Variants in HIP1 observed in about 807,000 individuals in gnomAD.
The protein encoded by HIP1 is huntingtin interacting protein 1.
HIP1 carries 65 observed loss-of-function variants against 147.6 expected under a neutral mutation model. The ratio of observed to expected loss-of-function variants is 0.44; its 90% CI spans 0.36 to 0.54. The LOEUF is 0.54. Ranked by LOEUF, HIP1 falls within the 20% of genes least tolerant of loss-of-function variation. The probability of loss-of-function intolerance (pLI) is 0.00; values close to 1 mark genes in which losing one functional copy is unlikely to be tolerated. For synonymous variants in HIP1, 479 were observed against 504.0 expected (o/e 0.95, Z 0.67); for missense variants, 1,061 against 1,299.6 (o/e 0.82, Z 2.82).
At chr7:75,656,003 C>T (rs1259272307) in intron 1 of HIP1, among the ~76,000 whole-genome samples, 1 of 151,940 alleles carries the variant, frequency 6.6e-6, no homozygotes, top group African/African-American at 2.4e-5. Flanking sequence ...CCTGTGGTCC[C>T]AACTACTCGG....
At chr7:75,634,036 G>A (rs943776548) in intron 1 of HIP1, among the ~76,000 whole-genome samples, 1 of 151,896 alleles carries the variant, frequency 6.6e-6, no homozygotes, top group African/African-American at 2.4e-5. Context: ...TGGGAGAATC[G>A]CTTGAGCCCA....
intron 26 of HIP1, 36 bp from the exon 27 acceptor site, chr7:75,544,836 C>A: frequency 7.5e-7 from 1 of 1,325,680 alleles, no homozygotes; most frequent in Non-Finnish European, 1.1e-6. Context: ...AGGTTACGGG[C>A]AAATGAGCTG....
intron 2 of HIP1, among the ~76,000 whole-genome samples, chr7:75,597,757 A>AAAAAT (rs59550181): frequency 6.7e-6 from 1 of 150,114 alleles, no homozygotes; most frequent in Non-Finnish European, 1.5e-5. Context: ...AAAAAAAAAA[A>AAAAAT]GTCCCAACTC....
intron 2 of HIP1, among the ~76,000 whole-genome samples, chr7:75,592,728 G>A (rs1239245531): frequency 1.3e-5 from 2 of 152,186 alleles, no homozygotes; most frequent in African/African-American, 4.8e-5. Context: ...CTTGGAGGGA[G>A]CGCCGCTCAG....
chr7:75,692,948 T>C (rs545252569), intron 1 of HIP1, among the ~76,000 whole-genome samples: 36 of 151,934 alleles, frequency 2.4e-4, no homozygotes, highest in Middle Eastern at 6.8e-3. Flanking sequence ...GAAAATCACT[T>C]GAGGTCAGGA....
intron 1 of HIP1, among the ~76,000 whole-genome samples, chr7:75,600,500 G>A (rs1337593131): frequency 1.3e-5 from 2 of 152,090 alleles, no homozygotes; most frequent in Non-Finnish European, 2.9e-5. Flanking sequence ...CATGTAGGCT[G>A]TTTTCTTAGG....
chr7:75,570,579 C>T (rs1795590158), intron 8 of HIP1, among the ~76,000 whole-genome samples: 1 of 152,130 alleles, frequency 6.6e-6, no homozygotes, highest in African/African-American at 2.4e-5. Context: ...GCGTGAGCCA[C>T]CGTGCCCGGC....
At chr7:75,554,574 G>A (rs1554492834) in intron 19 of HIP1, 48 bp from the exon 20 acceptor site, 2 of 1,414,350 alleles carry the variant, frequency 1.4e-6, no homozygotes, top group Non-Finnish European at 1.0e-6. Context: ...CTCATAGCTG[G>A]CTTCATCCTC....
chr7:75,723,947 TATAGAG>T (rs781992180), intron 1 of HIP1, among the ~76,000 whole-genome samples: 3,768 of 133,654 alleles, frequency 0.028, 63 homozygotes, highest in African/African-American at 0.05. Context: ...TTTATATATA[TATAGAG>T]AGAGAGAGAG....
At chr7:75,683,656 C>T (rs1554517214) in intron 1 of HIP1, among the ~76,000 whole-genome samples, 3 of 152,306 alleles carry the variant, frequency 2.0e-5, no homozygotes, top group South Asian at 2.1e-4. Flanking sequence ...ACGTCCTCCA[C>T]CTGATGCTGG....
At chr7:75,622,849 TTATCTATC>T (rs57401190) in intron 1 of HIP1, among the ~76,000 whole-genome samples, 17,571 of 146,192 alleles carry the variant, frequency 0.12, 1,288 homozygotes, top group African/African-American at 0.19. Context: ...AAATAAATAA[TTATCTATC>T]TATCTATCTA....
chr7:75,703,441 C>T (rs556527460), intron 1 of HIP1, among the ~76,000 whole-genome samples: 32 of 152,192 alleles, frequency 2.1e-4, no homozygotes, highest in African/African-American at 7.2e-4. Flanking sequence ...GTCGGGAGTT[C>T]GAGACCAGCC....
intron 24 of HIP1, 38 bp from the exon 25 acceptor site, chr7:75,547,070 G>T: frequency 6.7e-7 from 1 of 1,491,014 alleles, no homozygotes; most frequent in Non-Finnish European, 9.2e-7. Context: ...CTGAGATCAA[G>T]ATCCAAGATC....
Position 75,673,820 on chromosome 7 carries a change from C to CAAAAA in HIP1, c.120+64976_120+64980dup, listed in dbSNP as rs71098060. Among the ~76,000 whole-genome samples the CAAAAA allele has an allele frequency of 2.8e-4, 29 of 104,334 alleles. 1 individual carries two copies. The highest frequency in any genetic ancestry group is 8.9e-4 in the Admixed American group (8 of 9,006). The allele number at this position is 104,334 out of a possible 152,430, so 68.4% of individuals were successfully genotyped here. A position where few individuals can be genotyped will look rare whatever the true frequency, so the allele number is the denominator to read the frequency against. ...GCAACATAGCAAAGCCCTATCTCTA[C>CAAAAA]AAAAAAAAAAAAAAAATTAGCTGGG... is the stretch of plus-strand genomic sequence containing the variant. On this transcript the variant is annotated intron_variant, in intron 1 of 30. Transcript: ENST00000336926.
chr7:75,556,280 C>T (rs1012324256), intron 17 of HIP1, 111 bp from the exon 18 acceptor site: 124 of 1,253,324 alleles, frequency 9.9e-5, no homozygotes, highest in East Asian at 4.6e-4. Flanking sequence ...GGTGATGGCT[C>T]TTTAACCTGC....
chr7:75,586,258 A>G (rs1325546401), intron 5 of HIP1, among the ~76,000 whole-genome samples: 1 of 149,614 alleles, frequency 6.7e-6, no homozygotes, highest in Non-Finnish European at 1.5e-5. Context: ...GTGCAGTGGC[A>G]TGGTTTTGGC....
rs11322113 is a variant in HIP1 at position 75,599,838 on chromosome 7, C to CT, written c.121-592dup. ...TCTCAATCGTTTTTAAAATCGTTAA[C>CT]TTTTTTTTTTTTTTTTTTGAGGAGT... On this transcript the variant is annotated intron_variant, in intron 1 of 30. Coordinates refer to ENST00000336926, the MANE Select transcript of HIP1 (RefSeq NM_005338.7). Among the ~76,000 whole-genome samples the CT allele has an allele frequency of 2.0e-3, 244 of 122,386 alleles. 3 individuals are homozygous for CT. In the East Asian group the frequency reaches 0.021, roughly 10 times the overall value. 80.3% of individuals were successfully genotyped at this position (122,386 alleles called of 152,430 possible). A position where few individuals can be genotyped will look rare whatever the true frequency, so the allele number is the denominator to read the frequency against.
chr7:75,706,686 G>C (rs1584966603), intron 1 of HIP1, among the ~76,000 whole-genome samples: 1 of 116,872 alleles, frequency 8.6e-6, no homozygotes, highest in Non-Finnish European at 1.7e-5. Context: ...CATTGTGCAG[G>C]TTAGTTACAT....
chr7:75,644,433 T>C (rs1291117875), intron 1 of HIP1, among the ~76,000 whole-genome samples: 1 of 152,106 alleles, frequency 6.6e-6, no homozygotes, highest in African/African-American at 2.4e-5. Context: ...TAGCTCGGAT[T>C]ACAGGTATGC....
Sources: allele counts gnomAD v4.1 joint callset (sites outside exome capture counted in the v4.1 genomes callset), GRCh38; gene constraint gnomAD v4.1.1; transcripts MANE v1.5; gene names NCBI Gene and HGNC (gene_info 2026-07-23, HGNC 2026-07-21).